ARMH4: variants seen among roughly 807,000 people sequenced by gnomAD.
ARMH4 encodes armadillo-like helical domain-containing protein 4.
In ARMH4, 49 loss-of-function variants were observed where a neutral mutation model predicts 61.9. The observed-to-expected ratio is 0.79, with a 90% confidence interval of 0.63 to 1.00. The LOEUF (loss-of-function observed/expected upper bound fraction) is 1.00, where lower values mean the gene tolerates loss of function less well. ARMH4 is among the 50% of genes least tolerant of loss of function. The pLI is 0.00. For synonymous variants in ARMH4, 368 were observed against 341.5 expected (o/e 1.08, Z -0.85); for missense variants, 934 against 930.0 (o/e 1.00, Z -0.06).
chr14:58,049,287 T>C lies in ARMH4; in HGVS notation c.2090-37137A>G, dbSNP rs1361070114. The stretch of plus-strand genomic sequence containing the variant: ...CAAAGAAAAACTGTGCCACAGAATA[T>C]AGATGATTCACTGCTGCAAGATATA... On this transcript the variant is annotated intron_variant, in intron 5 of 7. Coordinates refer to ENST00000267485, the MANE Select transcript of ARMH4 (RefSeq NM_001001872.4). Among the ~76,000 whole-genome samples the C allele has an allele frequency of 2.7e-5, 4 of 150,080 alleles. No homozygotes were observed. The South Asian group carries it at 6.4e-4, about 24-fold the overall frequency.
chr14:58,063,319 A>C (rs1884591343), intron 5 of ARMH4, among the ~76,000 whole-genome samples: 1 of 152,114 alleles, frequency 6.6e-6, no homozygotes, highest in Non-Finnish European at 1.5e-5. Flanking sequence ...CCCCATCTTA[A>C]CTTGATTAAA....
intron 1 of ARMH4, among the ~76,000 whole-genome samples, chr14:58,145,747 C>T (rs1201730516): frequency 1.3e-5 from 2 of 152,180 alleles, no homozygotes; most frequent in African/African-American, 2.4e-5. Context: ...CTTTTCTCCC[C>T]CCTTTTCAAA....
At chr14:58,040,018 G>A (rs1034949443) in intron 5 of ARMH4, among the ~76,000 whole-genome samples, 1 of 151,764 alleles carries the variant, frequency 6.6e-6, no homozygotes, top group African/African-American at 2.4e-5. Flanking sequence ...ACCAAAACAG[G>A]GAACAAAAAC....
intron 3 of ARMH4, 34 bp downstream of exon 3, chr14:58,133,056 C>A (rs777413485): frequency 2.5e-6 from 4 of 1,610,536 alleles, no homozygotes; most frequent in Non-Finnish European, 3.4e-6. Flanking sequence ...GAGATCCACC[C>A]CCAAAACAGA....
chr14:58,076,587 A>C (rs1885057010), intron 5 of ARMH4, among the ~76,000 whole-genome samples: 1 of 152,216 alleles, frequency 6.6e-6, no homozygotes, highest in Non-Finnish European at 1.5e-5. Flanking sequence ...ACTCGAACAC[A>C]TTGAATTGGA....
At chr14:58,123,575 T>G (rs888096622) in intron 4 of ARMH4, among the ~76,000 whole-genome samples, 1 of 152,308 alleles carries the variant, frequency 6.6e-6, no homozygotes, top group Non-Finnish European at 1.5e-5. Flanking sequence ...CAGCTGTACC[T>G]AACCCTCATA....
At chr14:58,050,990 A>G (rs1884119231) in intron 5 of ARMH4, among the ~76,000 whole-genome samples, 1 of 151,972 alleles carries the variant, frequency 6.6e-6, no homozygotes, top group Non-Finnish European at 1.5e-5. Flanking sequence ...GGAAAATTCT[A>G]CAATTAAAGG....
At chr14:58,006,867 A>G (rs920331144) in intron 6 of ARMH4, among the ~76,000 whole-genome samples, 1 of 152,188 alleles carries the variant, frequency 6.6e-6, no homozygotes, top group Non-Finnish European at 1.5e-5. Flanking sequence ...TATGTAACAA[A>G]CCTGCACGTT....
chr14:58,080,600 G>A (rs1594745147), intron 5 of ARMH4, among the ~76,000 whole-genome samples: 1 of 152,126 alleles, frequency 6.6e-6, no homozygotes, highest in East Asian at 1.9e-4. Context: ...GGAGAGAGAG[G>A]GAGGGAGACA....
At position 58,125,360 on chromosome 14, in the gene ARMH4, C is replaced by A. The variant is rs560488749; in HGVS notation, c.1831+6152G>T. ...GCCTGCAGCTAACCAATAGAAATTA[C>A]TTAAAAACCTTCACCAAACCTTTCA... On this transcript the variant is annotated intron_variant, in intron 4 of 7. Transcript: ENST00000267485. Among the ~76,000 whole-genome samples, 640 of 152,242 alleles carry A rather than the reference C, an allele frequency of 4.2e-3. 5 individuals are homozygous for A. Among genetic ancestry groups the A allele is most frequent in the Non-Finnish European group, 7.1e-3 (481 of 68,014 alleles).
intron 5 of ARMH4, among the ~76,000 whole-genome samples, chr14:58,044,870 G>T (rs1164400842): frequency 6.6e-6 from 1 of 152,230 alleles, no homozygotes; most frequent in Non-Finnish European, 1.5e-5. Context: ...AATGCTCATC[G>T]TCACTGGCCA....
chr14:58,085,900 A>G (rs1475353129), intron 5 of ARMH4, among the ~76,000 whole-genome samples: 1 of 152,170 alleles, frequency 6.6e-6, no homozygotes, highest in African/African-American at 2.4e-5. Context: ...TCAAACCAGG[A>G]ACCTAAAACA....
intron 5 of ARMH4, among the ~76,000 whole-genome samples, chr14:58,063,393 G>A (rs564267958): frequency 2.0e-5 from 3 of 152,128 alleles, no homozygotes; most frequent in African/African-American, 2.4e-5. Flanking sequence ...GGACTTCAAC[G>A]TATCTTCTGG....
chr14:58,132,874 T>C (rs887932111), intron 3 of ARMH4, among the ~76,000 whole-genome samples: 8 of 152,128 alleles, frequency 5.3e-5, no homozygotes, highest in East Asian at 1.9e-4. Flanking sequence ...CGTGAGCCAC[T>C]GCGCCCGGCC....
At chr14:58,042,069 T>C (rs367546842) in intron 5 of ARMH4, among the ~76,000 whole-genome samples, 1 of 151,436 alleles carries the variant, frequency 6.6e-6, no homozygotes, top group Non-Finnish European at 1.5e-5. Flanking sequence ...TATCCAGGAA[T>C]TGAACTCAGC....
intron 5 of ARMH4, among the ~76,000 whole-genome samples, chr14:58,076,187 G>A (rs1885044636): frequency 1.3e-5 from 2 of 152,116 alleles, no homozygotes; most frequent in East Asian, 1.9e-4. Flanking sequence ...TCATCATTAA[G>A]CAGAGTAAGT....
At position 58,116,305 on chromosome 14, in the gene ARMH4, C is replaced by A. The variant is rs773893940; in HGVS notation, c.1831+15207G>T. 2.1e-5 allele frequency: 4 copies of A among 191,810 alleles called. No homozygotes were observed. In the South Asian group the frequency reaches 3.4e-4, roughly 16 times the overall value. 11.9% of individuals were successfully genotyped at this position (191,810 alleles called of 1,614,324 possible). A position where few individuals can be genotyped will look rare whatever the true frequency, so the allele number is the denominator to read the frequency against. On this transcript the variant is annotated intron_variant, in intron 4 of 7. Coordinates refer to ENST00000267485, the MANE Select transcript of ARMH4 (RefSeq NM_001001872.4). ...GTACATTCATGAGAAAATAAAAAGG[C>A]TTGAGACAAGATAGTCCACTTCAAA...
At chr14:58,124,859 C>T (rs991777033) in intron 4 of ARMH4, among the ~76,000 whole-genome samples, 1 of 152,114 alleles carries the variant, frequency 6.6e-6, no homozygotes, top group Non-Finnish European at 1.5e-5. Context: ...AACTAGTGCT[C>T]AGTTGGCAGA....
chr14:58,067,949 G>A (rs932904145), intron 5 of ARMH4, among the ~76,000 whole-genome samples: 3 of 152,136 alleles, frequency 2.0e-5, no homozygotes, highest in Non-Finnish European at 4.4e-5. Context: ...ATTTCTCTTT[G>A]GAAAGTGCTG....
Sources: allele counts gnomAD v4.1 joint callset (sites outside exome capture counted in the v4.1 genomes callset), GRCh38; gene constraint gnomAD v4.1.1; transcripts MANE v1.5; gene names NCBI Gene and HGNC (gene_info 2026-07-23, HGNC 2026-07-21).